RBM44: variants seen among roughly 807,000 people sequenced by gnomAD.
RBM44 encodes RNA-binding protein 44.
A neutral mutation model predicts 105.1 loss-of-function variants in RBM44; 66 were observed. The observed-to-expected ratio is 0.63, with a 90% CI of 0.52 to 0.77. RBM44 has a LOEUF of 0.77. RBM44 is among the 30% of genes least tolerant of loss of function. The pLI is 0.00. For synonymous variants in RBM44, 365 were observed against 417.6 expected (o/e 0.87, Z 1.54); for missense variants, 1,122 against 1,207.8 (o/e 0.93, Z 1.05).
rs371167118 is a variant in RBM44, at chr2:237,818,509, T to C, written c.1590T>C (p.Cys530=). The C allele has an allele frequency of 9.5e-5, 153 of 1,611,166 alleles. No homozygotes were observed. In the African/African-American group the frequency reaches 1.8e-3, roughly 19 times the overall value. The change falls in exon 3 of 16, where the codon TGT becomes TGC. Residue 530 remains cysteine (C), a synonymous_variant. Coordinates refer to ENST00000316997, the MANE Select transcript of RBM44 (RefSeq NM_001080504.3). The surrounding 1 kb of genome is among the most constrained non-coding windows in gnomAD (Gnocchi z 4.6). ...CAGATTGGTCATACAGTGAAGATTG[T>C]ATAGATACACAGATGGCTATAACAA... The part of the protein sequence containing the change: ...CSTDWSYSED[C]IDTQMAITKG...
chr2:237,830,024 A>G lies in RBM44; in HGVS notation c.2886+522A>G, dbSNP rs1190428229. Among the ~76,000 whole-genome samples the G allele has an allele frequency of 2.0e-5, 3 of 152,280 alleles. No homozygotes were observed. The East Asian group carries it at 5.8e-4, about 29-fold the overall frequency. ...AAAAAAATTACGCACAGTAAAATTC[A>G]ATACTTTTTGGTGCCTATAGCTTTA... is the stretch of plus-strand genomic sequence containing the variant. On this transcript the variant is annotated intron_variant, in intron 13 of 15. Transcript: ENST00000316997.
At position 237,801,419 on chromosome 2, in the gene RBM44, G is replaced by A. The variant is rs542563969; in HGVS notation, c.-19+2558G>A. The stretch of plus-strand genomic sequence containing the variant: ...GGCCCGCTGCAACCTCCATCTCCTG[G>A]GCTCAAGTGATCCTCCCACTTCAGC... On this transcript the variant is annotated intron_variant, in intron 1 of 15. Coordinates refer to ENST00000316997, the MANE Select transcript of RBM44 (RefSeq NM_001080504.3). 3.9e-5 allele frequency among the ~76,000 whole-genome samples: 6 copies of A among 152,096 alleles called. No homozygotes were observed. The South Asian group carries it at 6.2e-4, about 16-fold the overall frequency.
intron 2 of RBM44, among the ~76,000 whole-genome samples, chr2:237,815,688 A>G (rs2061707505): frequency 6.6e-6 from 1 of 152,012 alleles, no homozygotes; most frequent in Non-Finnish European, 1.5e-5. Context: ...CTGGGTCATG[A>G]TATGACCAAA....
chr2:237,806,709 G>T (rs527283011), intron 1 of RBM44, among the ~76,000 whole-genome samples: 2 of 152,328 alleles, frequency 1.3e-5, no homozygotes, highest in African/African-American at 2.4e-5. Flanking sequence ...CCAGAAATCT[G>T]CAGGGGGACT....
At chr2:237,821,493 C>CTTTTTTT in intron 7 of RBM44, 125 bp downstream of exon 7, 1 of 832,606 alleles carries the variant, frequency 1.2e-6, no homozygotes, top group Non-Finnish European at 1.9e-6. Flanking sequence ...AAGTGTTTAT[C>CTTTTTTT]TTTTTTCTTG....
chr2:237,821,391 T>G, intron 7 of RBM44, 23 bp downstream of exon 7: 1 of 1,513,962 alleles, frequency 6.6e-7, no homozygotes, highest in African/African-American at 1.4e-5. Flanking sequence ...TTCATTTGAT[T>G]TATAATTCAT....
At chr2:237,799,202 T>A (rs2061519289) in intron 1 of RBM44, 1 of 152,116 alleles carries the variant, frequency 6.6e-6, no homozygotes, top group Admixed American at 6.5e-5. Flanking sequence ...TGCTTCTTCT[T>A]GCCGTGGAGA....
At chr2:237,805,791 C>A (rs113361733) in intron 1 of RBM44, among the ~76,000 whole-genome samples, 3,678 of 152,128 alleles carry the variant, frequency 0.024, 122 homozygotes, top group African/African-American at 0.074. Flanking sequence ...ATAGGGAGAC[C>A]CTGTCTCTAC....
chr2:237,817,002 C>T lies in RBM44; in HGVS notation c.83C>T (p.Ser28Leu). 6.6e-7 allele frequency: 1 copy of T among 1,523,080 alleles called. No individual in the cohort carries two copies. The highest frequency in any genetic ancestry group is 8.8e-7 in the Non-Finnish European group (1 of 1,134,392). 94.3% of individuals were successfully genotyped at this position (1,523,080 alleles called of 1,614,324 possible). The change falls in exon 3 of 16, where the codon TCA becomes TTA. Residue 28 changes from serine to leucine, a missense_variant. Physicochemically the swap from Ser to Leu is moderately radical, Grantham distance 145 (BLOSUM62 -2). Transcript: ENST00000316997. ...TCCTTTTTTTAATCAGATAAACCTTCAAATCCAAAGAAAGAAAATTTGTTA... is the reference window on the plus strand; with the variant it reads ...TCCTTTTTTTAATCAGATAAACCTTTAAATCCAAAGAAAGAAAATTTGTTA... Reference protein sequence around the residue: ...NGGNLQKDKPSNPKKENLLLS... With the variant: ...NGGNLQKDKPLNPKKENLLLS...
In RBM44 at chr2:237,834,265, T is replaced by C. The variant is rs1241199346; in HGVS notation, c.3033-13T>C. 1 of 1,560,612 alleles carries C rather than the reference T, an allele frequency of 6.4e-7. No individual in the cohort carries two copies. The highest frequency in any genetic ancestry group is 1.4e-5 in the African/African-American group (1 of 72,864). On this transcript the variant is annotated splice_polypyrimidine_tract_variant and intron_variant, in intron 14 of 15. Transcript: ENST00000316997. ...AAAAGACAAATACTCATGTATGTTT[T>C]CCTTTTTCATAGAGACCATATTATA... is the stretch of plus-strand genomic sequence containing the variant.
chr2:237,818,233 A>G lies in RBM44; in HGVS notation c.1314A>G (p.Thr438=), dbSNP rs1329046420. The change falls in exon 3 of 16, where the codon ACA becomes ACG. Residue 438 remains threonine, a synonymous_variant. Coordinates refer to ENST00000316997, the MANE Select transcript of RBM44 (RefSeq NM_001080504.3). The surrounding 1 kb of genome is among the most constrained non-coding windows in gnomAD (Gnocchi z 4.6). ...TSLKVAHSST[T]KKTCFHNIGE... ...TAAAAGTTGCTCATAGCAGTACCACAAAGAAAACATGCTTTCACAATATAG... is the reference window on the plus strand; with the variant it reads ...TAAAAGTTGCTCATAGCAGTACCACGAAGAAAACATGCTTTCACAATATAG... 1.2e-6 allele frequency: 2 copies of G among 1,613,258 alleles called. No homozygotes were observed. Among genetic ancestry groups the G allele is most frequent in the Non-Finnish European group, 1.7e-6 (2 of 1,179,514 alleles).
rs2061937773 is a variant in RBM44, at chr2:237,834,547, G to T, written c.*22+124G>T. 8.4e-6 allele frequency: 4 copies of T among 476,230 alleles called. No individual in the cohort carries two copies. The Admixed American group carries it at 1.7e-4, about 21-fold the overall frequency. The allele number at this position is 476,230 out of a possible 1,614,324, so 29.5% of individuals were successfully genotyped here. A position where few individuals can be genotyped will look rare whatever the true frequency, so the allele number is the denominator to read the frequency against. On this transcript the variant is annotated intron_variant, in intron 15 of 15. Transcript: ENST00000316997. ...TAATAATATAATCACAAAATAATAT[G>T]AAATTTTAAAACAAGCATACTGTAA...
chr2:237,806,379 T>C (rs1254385954), intron 1 of RBM44, among the ~76,000 whole-genome samples: 1 of 152,226 alleles, frequency 6.6e-6, no homozygotes, highest in Non-Finnish European at 1.5e-5. Flanking sequence ...CCTCTTTTAT[T>C]ATTTCCATCC....
At chr2:237,825,945 AC>A (rs940685171) in intron 10 of RBM44, among the ~76,000 whole-genome samples, 1 of 152,118 alleles carries the variant, frequency 6.6e-6, no homozygotes, top group Admixed American at 6.6e-5. Flanking sequence ...AAGCTGACAA[AC>A]TCTGCCTGGA....
intron 1 of RBM44, among the ~76,000 whole-genome samples, chr2:237,805,508 A>C (rs561173674): frequency 6.6e-6 from 1 of 152,374 alleles, no homozygotes; most frequent in South Asian, 2.1e-4. Flanking sequence ...TATGGAACCA[A>C]GAAAGAGCCT....
At position 237,829,367 on chromosome 2, in the gene RBM44, T is replaced by C. The variant is rs1206702502; in HGVS notation, c.2751T>C (p.Asn917=). 2.5e-6 allele frequency: 4 copies of C among 1,613,538 alleles called. No individual in the cohort carries two copies. Among genetic ancestry groups the C allele is most frequent in the Admixed American group, 1.7e-5 (1 of 59,946 alleles). The change falls in exon 13 of 16, where the codon AAT becomes AAC. Residue 917 remains asparagine (N), a synonymous_variant. Coordinates refer to ENST00000316997, the MANE Select transcript of RBM44 (RefSeq NM_001080504.3). ...CACCACTTTCCTCCAAAAATGGGAA[T>C]AGAATTAGTTCGAATAATTTAGAGA... ...YTSPLSSKNG[N]RISSNNLEKS...
rs745888288 is a variant in RBM44, at chr2:237,821,077, A to G, written c.1920A>G (p.Leu640=). 1.3e-6 allele frequency: 2 copies of G among 1,579,364 alleles called. No homozygotes were observed. Among genetic ancestry groups the G allele is most frequent in the East Asian group, 2.2e-5 (1 of 44,556 alleles). ...GCACTCAACTTTTGAACAGGAATTT[A>G]TCAAGTAATTCTGCTAAGAAGGAAT... ...MENREGLNMN[L]SSNSAKKELG... is the part of the protein sequence containing the mutation. The change falls in exon 6 of 16, where the codon TTA becomes TTG. Residue 640 remains leucine (L), a synonymous_variant. Coordinates refer to ENST00000316997, the MANE Select transcript of RBM44 (RefSeq NM_001080504.3).
At chr2:237,819,602 G>A (rs192600472) in intron 4 of RBM44, among the ~76,000 whole-genome samples, 77 of 152,006 alleles carry the variant, frequency 5.1e-4, no homozygotes, top group Non-Finnish European at 1.0e-3. Flanking sequence ...GTGGCAATTA[G>A]TAACAAGGGA....
In RBM44 at chr2:237,817,930, A is replaced by G. The variant is rs2061738908; in HGVS notation, c.1011A>G (p.Glu337=). ...AAAACATGAAATCTCAAATAAATGAAGGTAAAGATTTTTGTGGAAATAAAA... is the reference window on the plus strand; with the variant it reads ...AAAACATGAAATCTCAAATAAATGAGGGTAAAGATTTTTGTGGAAATAAAA... ...YTENMKSQIN[E]GKDFCGNKIV... Residue 337 remains glutamate, a synonymous_variant, in exon 3 of 16, where the codon GAA becomes GAG. Coordinates refer to ENST00000316997, the MANE Select transcript of RBM44 (RefSeq NM_001080504.3). 3 of 1,598,470 alleles carry G rather than the reference A, an allele frequency of 1.9e-6. No homozygotes were observed. The African/African-American group carries it at 4.1e-5, about 22-fold the overall frequency.
Sources: allele counts gnomAD v4.1 joint callset (sites outside exome capture counted in the v4.1 genomes callset), GRCh38; gene constraint gnomAD v4.1.1; non-coding constraint Gnocchi (gnomAD v3.1); transcripts MANE v1.5; gene names NCBI Gene and HGNC (gene_info 2026-07-23, HGNC 2026-07-21).